SDK1: variants seen among roughly 807,000 people sequenced by gnomAD.
The protein encoded by SDK1 is sidekick cell adhesion molecule 1, also known as protein sidekick-1.
SDK1 carries 157 observed loss-of-function variants against 245.5 expected under a neutral mutation model. That is an observed-to-expected ratio of 0.64 (90% CI 0.56 to 0.73). The LOEUF is 0.73. SDK1 is among the 30% of genes least tolerant of loss of function. The pLI, the probability that SDK1 is intolerant of heterozygous loss-of-function variation, is 0.00. For synonymous variants in SDK1, 1,647 were observed against 1,278.5 expected (o/e 1.29, Z -6.15); for missense variants, 3,583 against 3,002.3 (o/e 1.19, Z -4.52).
intron 4 of SDK1, among the ~76,000 whole-genome samples, chr7:3,767,818 G>A (rs1205547985): frequency 1.3e-5 from 2 of 151,916 alleles, no homozygotes; most frequent in Non-Finnish European, 2.9e-5. Flanking sequence ...TCATTTGGAA[G>A]GAAACAAAAA....
intron 5 of SDK1, among the ~76,000 whole-genome samples, chr7:3,919,302 C>T (rs140667702): frequency 6.7e-4 from 102 of 152,322 alleles, no homozygotes; most frequent in Non-Finnish European, 9.1e-4. Context: ...GGTGCATGGC[C>T]GGCCTTGCAG....
intron 35 of SDK1, among the ~76,000 whole-genome samples, chr7:4,204,626 G>A (rs1784088782): frequency 1.3e-5 from 2 of 152,170 alleles, no homozygotes; most frequent in South Asian, 2.1e-4. Flanking sequence ...CTCGGACAGC[G>A]ACTGTTTTAT....
intron 1 of SDK1, among the ~76,000 whole-genome samples, chr7:3,371,819 A>G (rs191150132): frequency 4.0e-4 from 61 of 152,348 alleles, no homozygotes; most frequent in African/African-American, 1.4e-3. Context: ...ACTGCACTGC[A>G]GAAGAGTGTG....
Position 3,490,732 on chromosome 7 carries a change from G to A in SDK1, c.299-128348G>A, listed in dbSNP as rs552304403. Among the ~76,000 whole-genome samples, 28 of 152,222 alleles carry A rather than the reference G, an allele frequency of 1.8e-4. No homozygotes were observed. The South Asian group carries it at 5.2e-3, about 28-fold the overall frequency. On this transcript the variant is annotated intron_variant, in intron 1 of 44. Coordinates refer to ENST00000404826, the MANE Select transcript of SDK1 (RefSeq NM_152744.4). ...AAATGAGGCCAGGCAGACTTGGAGG[G>A]GTCTGTGAGCCCCTGAGCTCCTGTC...
chr7:3,601,829 T>TCCCCCCCCCCCCCC (rs1781263302), intron 1 of SDK1, among the ~76,000 whole-genome samples: 1 of 116,980 alleles, frequency 8.5e-6, no homozygotes, highest in Non-Finnish European at 1.7e-5. Context: ...CCTCCCCCCT[T>TCCCCCCCCCCCCCC]CCCCCACCCC....
chr7:3,489,502 G>C (rs1781804252), intron 1 of SDK1, among the ~76,000 whole-genome samples: 2 of 152,162 alleles, frequency 1.3e-5, no homozygotes, highest in South Asian at 4.1e-4. Context: ...ATTTTGAGCA[G>C]CCAGACATTG....
At chr7:3,838,761 A>C (rs373083815) in intron 5 of SDK1, among the ~76,000 whole-genome samples, 8 of 152,180 alleles carry the variant, frequency 5.3e-5, no homozygotes, top group African/African-American at 1.9e-4. Context: ...TGTGTCCCTC[A>C]CTAGGAGACC....
rs182378702 is a variant in SDK1, at chr7:4,220,093, C to T, written c.5540-16C>T. 1.6e-3 allele frequency: 2,502 copies of T among 1,610,582 alleles called. 27 individuals carry two copies. The African/African-American group carries it at 0.029, about 18-fold the overall frequency. ...AGGCTGAACCCCCTTGTTTCCTTTG[C>T]TTCTGGCGGCTGCAGGGGTGAGCAA... On this transcript the variant is annotated splice_polypyrimidine_tract_variant and intron_variant, in intron 38 of 44. Coordinates refer to ENST00000404826, the MANE Select transcript of SDK1 (RefSeq NM_152744.4).
At chr7:4,160,138 G>C (rs548207402) in intron 31 of SDK1, among the ~76,000 whole-genome samples, 6 of 152,140 alleles carry the variant, frequency 3.9e-5, no homozygotes, top group Non-Finnish European at 8.8e-5. Context: ...TAAACCACAA[G>C]GGAAAGGCTT....
intron 5 of SDK1, among the ~76,000 whole-genome samples, chr7:3,888,609 C>G (rs1583515732): frequency 6.6e-6 from 1 of 152,172 alleles, no homozygotes. Flanking sequence ...AGCAATATCA[C>G]CACAACAGGA....
At chr7:3,402,034 G>T (rs988800388) in intron 1 of SDK1, among the ~76,000 whole-genome samples, 1 of 152,122 alleles carries the variant, frequency 6.6e-6, no homozygotes, top group Non-Finnish European at 1.5e-5. Context: ...TATAAAAGAA[G>T]CACAAAACTG....
intron 1 of SDK1, among the ~76,000 whole-genome samples, chr7:3,474,732 C>T (rs1781299599): frequency 6.6e-6 from 1 of 152,088 alleles, no homozygotes; most frequent in South Asian, 2.1e-4. Context: ...ACTCTGTCAC[C>T]CAGGCTGCAG....
chr7:3,820,558 C>G (rs1428654410), intron 4 of SDK1, among the ~76,000 whole-genome samples: 1 of 152,126 alleles, frequency 6.6e-6, no homozygotes, highest in Non-Finnish European at 1.5e-5. Flanking sequence ...AATAAAAGTT[C>G]CTTGGATGAA....
At chr7:3,461,648 A>G (rs200860626) in intron 1 of SDK1, among the ~76,000 whole-genome samples, 5 of 152,154 alleles carry the variant, frequency 3.3e-5, no homozygotes, top group Non-Finnish European at 7.3e-5. Context: ...TTTCAGATCA[A>G]AACTTTCCCT....
At chr7:4,203,579 G>T (rs567939528) in intron 35 of SDK1, among the ~76,000 whole-genome samples, 1 of 150,776 alleles carries the variant, frequency 6.6e-6, no homozygotes, top group South Asian at 2.1e-4. Flanking sequence ...TCCTTACACC[G>T]CAAATGCTAA....
At chr7:3,821,145 T>C (rs1017786220) in intron 4 of SDK1, among the ~76,000 whole-genome samples, 2 of 152,176 alleles carry the variant, frequency 1.3e-5, no homozygotes, top group Non-Finnish European at 2.9e-5. Context: ...AGGAGGAACC[T>C]CTGAGTTTTA....
At chr7:3,665,719 C>A (rs1163028724) in intron 4 of SDK1, among the ~76,000 whole-genome samples, 1 of 152,188 alleles carries the variant, frequency 6.6e-6, no homozygotes, top group Non-Finnish European at 1.5e-5. Context: ...GGTGCTTTCT[C>A]TCACGTGGAT....
chr7:3,738,066 C>G (rs1358877268), intron 4 of SDK1, among the ~76,000 whole-genome samples: 1 of 152,242 alleles, frequency 6.6e-6, no homozygotes, highest in Non-Finnish European at 1.5e-5. Context: ...ACCTCCTCTT[C>G]TGCCGTCTTT....
intron 5 of SDK1, among the ~76,000 whole-genome samples, chr7:3,892,956 G>T (rs1033363740): frequency 1.3e-5 from 2 of 152,196 alleles, no homozygotes; most frequent in Non-Finnish European, 2.9e-5. Flanking sequence ...TCACATGGCA[G>T]GGAACAGGCT....
Sources: gnomAD v4.1 joint callset for allele counts (sites outside exome capture counted in the v4.1 genomes callset) on GRCh38, gnomAD v4.1.1 for gene constraint, MANE v1.5 for transcripts, NCBI Gene and HGNC (gene_info 2026-07-23, HGNC 2026-07-21) for gene names.